Variants in CSPG4 observed in about 807,000 individuals in gnomAD.
CSPG4 encodes the protein chondroitin sulfate proteoglycan 4, also known as chondroitin sulfate proteoglycan 4 (melanoma-associated).
In CSPG4, 74 loss-of-function variants were observed where a neutral mutation model predicts 139.3. That is an observed-to-expected ratio of 0.53 (90% CI 0.44 to 0.64). CSPG4 has a LOEUF of 0.64. Among genes scored for constraint, CSPG4 ranks in the 30% least tolerant of loss-of-function variants. The probability of loss-of-function intolerance (pLI) is 0.00; values close to 1 mark genes in which losing one functional copy is unlikely to be tolerated. For missense variants in CSPG4, 2,565 were observed against 3,148.3 expected, an observed-to-expected ratio of 0.81 and a Z score of 4.43; for synonymous variants, 1,234 against 1,394.2, an observed-to-expected ratio of 0.89 and a Z score of 2.56.
rs778354681 is a variant in CSPG4, at chr15:75,687,860, C to T, written c.3205G>A (p.Val1069Met). 221 of 1,612,802 alleles carry T rather than the reference C, an allele frequency of 1.4e-4. No homozygotes were observed. Among genetic ancestry groups the T allele is most frequent in the Non-Finnish European group, 1.8e-4 (212 of 1,180,026 alleles). Residue 1069 changes from valine to methionine, a missense_variant, in exon 3 of 10, where the codon GTG becomes ATG. Physicochemically the swap from Val to Met is conservative, Grantham distance 21. Transcript: ENST00000308508. This position sits in a 1 kb window ranked among gnomAD's most constrained non-coding sequence, Gnocchi z 5.4. ...GGCCGCGTGGGCTCATCTACGGCCA[C>T]GATACTGCCAAAGAGGAGGTCCTTG... ...TRKDLLFGSI[V>M]AVDEPTRPIY... is the part of the protein sequence containing the mutation.
Position 75,677,122 on chromosome 15 carries a change from G to T in CSPG4, c.5397C>A (p.His1799Gln). Residue 1799 changes from histidine (H) to glutamine (Q), a missense_variant, in exon 10 of 10, where the codon CAC (histidine) becomes CAA (glutamine). Physicochemically the swap from His to Gln is conservative, Grantham distance 24. Around this residue, in one of 5 missense-constraint regions of CSPG4, gnomAD observed 2,316 missense variants for 2,818.2 expected, o/e 0.82. Transcript: ENST00000308508. ...CTGGCCCCTGGAGGTGGGCACGAAA[G>T]TGGAAGCCATCCTGCTGGGTGCCCC... ...GGGGTQQDGF[H>Q]FRAHLQGPAG... 7.1e-7 allele frequency: 1 copy of T among 1,413,174 alleles called. No homozygotes were observed. 87.5% of individuals were successfully genotyped at this position (1,413,174 alleles called of 1,614,324 possible). A position where few individuals can be genotyped will look rare whatever the true frequency, so the allele number is the denominator to read the frequency against.
At chr15:75,700,731 G>A (rs772478791) in intron 1 of CSPG4, among the ~76,000 whole-genome samples, 9 of 152,290 alleles carry the variant, frequency 5.9e-5, no homozygotes, top group South Asian at 2.1e-4. Context: ...CTGCTGGGGC[G>A]GCGTCTCGGG....
At chr15:75,684,652 CT>C in intron 5 of CSPG4, 83 bp downstream of exon 5, 1 of 1,314,266 alleles carries the variant, frequency 7.6e-7, no homozygotes, top group Non-Finnish European at 1.1e-6. Flanking sequence ...AGGATCAGAG[CT>C]GGGGGAGCTC....
At position 75,698,757 on chromosome 15, in the gene CSPG4, C is replaced by G. The variant is rs1226829911; in HGVS notation, c.89-5524G>C. Among the ~76,000 whole-genome samples, 1 of 152,136 alleles carries G rather than the reference C, an allele frequency of 6.6e-6. No homozygotes were observed. The highest frequency in any genetic ancestry group is 1.5e-5 in the Non-Finnish European group (1 of 67,992). ...TGCCTACTCAGGGGTGAGCCCCTCT[C>G]AAACCTCCTCCCAGCAGACTCCCCA... is the stretch of plus-strand genomic sequence containing the variant. On this transcript the variant is annotated intron_variant, in intron 1 of 9. Transcript: ENST00000308508. The surrounding 1 kb of genome is among the most constrained non-coding windows in gnomAD (Gnocchi z 4.3).
chr15:75,688,223 G>T lies in CSPG4; in HGVS notation c.2842C>A (p.Arg948Ser). 6.2e-7 allele frequency: 1 copy of T among 1,612,932 alleles called. No individual in the cohort carries two copies. The highest frequency in any genetic ancestry group is 8.5e-7 in the Non-Finnish European group (1 of 1,179,928). The change falls in exon 3 of 10, where the codon CGT becomes AGT. Residue 948 changes from arginine to serine, a missense_variant. Arg to Ser is a moderately radical substitution (Grantham distance 110). This residue lies in a region of CSPG4 where 2,316 missense variants were observed against 2,818.2 expected (regional missense o/e 0.82). Transcript: ENST00000308508. ...ERPRHGRLAW[R>S]GTQDKTTMVT... ...ATAGTGGTCTTGTCCTGTGTCCCAC[G>T]CCAAGCCAACCTCCCATGGCGGGGC...
chr15:75,680,845 C>G (rs1893964892), intron 8 of CSPG4: 1 of 153,188 alleles, frequency 6.5e-6, no homozygotes, highest in South Asian at 2.1e-4. Context: ...CAAGACAATA[C>G]CCAGTCCTGC....
chr15:75,712,825 G>A lies in CSPG4; in HGVS notation c.-70C>T. The A allele has an allele frequency of 1.5e-6, 2 of 1,351,732 alleles. No individual in the cohort carries two copies. Among genetic ancestry groups the A allele is most frequent in the Non-Finnish European group, 2.0e-6 (2 of 1,010,550 alleles). 83.7% of individuals were successfully genotyped at this position (1,351,732 alleles called of 1,614,324 possible). A position where few individuals can be genotyped will look rare whatever the true frequency, so the allele number is the denominator to read the frequency against. On this transcript the variant is annotated 5_prime_UTR_variant, in exon 1 of 10. Coordinates refer to ENST00000308508, the MANE Select transcript of CSPG4 (RefSeq NM_001897.5). Reference sequence around the variant, plus strand: ...CTGGGAGCTGGGAGCTGAGTGGAGCGAGCGCGGCTCTGCTCCTGGGCGCGG... The same window carrying A: ...CTGGGAGCTGGGAGCTGAGTGGAGCAAGCGCGGCTCTGCTCCTGGGCGCGG...
At position 75,679,227 on chromosome 15, in the gene CSPG4, C is replaced by T. The variant is rs747180599; in HGVS notation, c.4951-1341G>A. The T allele has an allele frequency of 4.8e-4, 78 of 162,872 alleles. No homozygotes were observed. The Middle Eastern group carries it at 0.012, about 25-fold the overall frequency. The allele number at this position is 162,872 out of a possible 1,614,324, so 10.1% of individuals were successfully genotyped here. A position where few individuals can be genotyped will look rare whatever the true frequency, so the allele number is the denominator to read the frequency against. Reference sequence around the variant, plus strand: ...CTGCCCCGGCTGCACTCCCGATCGGCCCCCACCTCCTACAGTCATCCTGCT... The same window carrying T: ...CTGCCCCGGCTGCACTCCCGATCGGTCCCCACCTCCTACAGTCATCCTGCT... On this transcript the variant is annotated intron_variant, in intron 8 of 9. Coordinates refer to ENST00000308508, the MANE Select transcript of CSPG4 (RefSeq NM_001897.5).
chr15:75,712,669 C>G lies in CSPG4; in HGVS notation c.87G>C (p.Ala29=). The part of the protein sequence containing the change: ...TLTMLARLAS[A]ASFFGENHLE... ...CGGGGTCTCAGGCCCCTCACTCACC[C>G]GCGGATGCAAGTCTGGCCAACATAG... Residue 29 remains alanine, a splice_region_variant and synonymous_variant, in exon 1 of 10, where the codon GCG becomes GCC. Coordinates refer to ENST00000308508, the MANE Select transcript of CSPG4 (RefSeq NM_001897.5). 6.4e-7 allele frequency: 1 copy of G among 1,559,394 alleles called. No individual in the cohort carries two copies. The highest frequency in any genetic ancestry group is 8.7e-7 in the Non-Finnish European group (1 of 1,152,052).
At chr15:75,704,593 G>A (rs1943697226) in intron 1 of CSPG4, among the ~76,000 whole-genome samples, 1 of 152,194 alleles carries the variant, frequency 6.6e-6, no homozygotes, top group South Asian at 2.1e-4. Context: ...GGTGAAGGCA[G>A]TGGGGGCCTG....
At chr15:75,678,900 CCAAG>C in intron 8 of CSPG4, 2 of 404,636 alleles carry the variant, frequency 4.9e-6, no homozygotes, top group South Asian at 3.5e-5. Context: ...ACTGGTGCCG[CCAAG>C]CAACCCTTCC....
At chr15:75,713,328 G>A (rs1479865983), upstream of CSPG4, among the ~76,000 whole-genome samples, 3 of 152,178 alleles carry the variant, frequency 2.0e-5, no homozygotes, top group Non-Finnish European at 4.4e-5. Flanking sequence ...GAGGTCCTGT[G>A]GGGCACTGCC....
chr15:75,707,306 T>A (rs1286177783), intron 1 of CSPG4, among the ~76,000 whole-genome samples: 1 of 152,164 alleles, frequency 6.6e-6, no homozygotes, highest in Non-Finnish European at 1.5e-5. Context: ...AAAATTTCTT[T>A]AAAAAAATCT....
Position 75,676,279 on chromosome 15 carries a change from C to T in CSPG4, c.6240G>A (p.Val2080=). ...GTCCCTCCAGGAGGCGGAAGCGCGG[C>T]ACACTGCCTGTGCGGTTGGCCAGCT... ...AGELANRTGS[V]PRFRLLEGPR... is the part of the protein sequence containing the mutation. The change falls in exon 10 of 10, where the codon GTG becomes GTA. Residue 2080 remains valine (V), a synonymous_variant. Transcript: ENST00000308508. The T allele has an allele frequency of 1.3e-6, 2 of 1,588,572 alleles. No homozygotes were observed. Among genetic ancestry groups the T allele is most frequent in the South Asian group, 2.2e-5 (2 of 89,510 alleles).
Position 75,688,201 on chromosome 15 carries a change from G to T in CSPG4, c.2864C>A (p.Thr955Asn). The T allele has an allele frequency of 6.2e-7, 1 of 1,612,904 alleles. No individual in the cohort carries two copies. Among genetic ancestry groups the T allele is most frequent in the East Asian group, 2.2e-5 (1 of 44,888 alleles). Residue 955 changes from threonine to asparagine, a missense_variant, in exon 3 of 10, where the codon ACT becomes AAT. Coordinates refer to ENST00000308508, the MANE Select transcript of CSPG4 (RefSeq NM_001897.5). ...LAWRGTQDKT[T>N]MVTSFTNEDL... ...TTCATTGGTGAAGGATGTCACCATA[G>T]TGGTCTTGTCCTGTGTCCCACGCCA...
rs1894231264 is a variant in CSPG4 at position 75,696,725 on chromosome 15, C to G, written c.89-3492G>C. ...TCCTCAGGCTTCCCACCCTTCCTCC[C>G]CATAAACAGGGCACTGCTGTCTGGG... On this transcript the variant is annotated intron_variant, in intron 1 of 9. Transcript: ENST00000308508. The surrounding 1 kb of genome is among the most constrained non-coding windows in gnomAD (Gnocchi z 4.2). Among the ~76,000 whole-genome samples, 1 of 152,176 alleles carries G rather than the reference C, an allele frequency of 6.6e-6. No individual in the cohort carries two copies. The highest frequency in any genetic ancestry group is 6.5e-5 in the Admixed American group (1 of 15,290).
In CSPG4 at chr15:75,700,447, T is replaced by G. The variant is rs113829239; in HGVS notation, c.89-7214A>C. Among the ~76,000 whole-genome samples, 1,407 of 152,184 alleles carry G rather than the reference T, an allele frequency of 9.2e-3. 28 individuals carry two copies. The highest frequency in any genetic ancestry group is 0.091 in the East Asian group (471 of 5,160). On this transcript the variant is annotated intron_variant, in intron 1 of 9. Transcript: ENST00000308508. ...TCTCCTTGGGCGGTTTGGCAGCCCCTCCTCTGTGGCTCTGGGGCTGGCCGA... is the reference window on the plus strand; with the variant it reads ...TCTCCTTGGGCGGTTTGGCAGCCCCGCCTCTGTGGCTCTGGGGCTGGCCGA...
rs779127129 is a variant in CSPG4 at position 75,690,390 on chromosome 15, G to A, written c.675C>T (p.Thr225=). The A allele has an allele frequency of 7.0e-5, 112 of 1,610,086 alleles. No homozygotes were observed. Among genetic ancestry groups the A allele is most frequent in the Non-Finnish European group, 8.6e-5 (101 of 1,178,984 alleles). Reference sequence around the variant, plus strand: ...TCTGTGTGGTGAGTGTAAACTCTAGGGTTCCTTCGTCCTGAGTGCCCCAGG... The same window carrying A: ...TCTGTGTGGTGAGTGTAAACTCTAGAGTTCCTTCGTCCTGAGTGCCCCAGG... ...FPAWGTQDEG[T]LEFTLTTQSR... The change falls in exon 3 of 10, where the codon ACC becomes ACT. Residue 225 remains threonine, a synonymous_variant. Transcript: ENST00000308508.
intron 1 of CSPG4, among the ~76,000 whole-genome samples, chr15:75,700,906 C>T (rs2141437157): frequency 6.6e-6 from 1 of 152,264 alleles, no homozygotes; most frequent in Middle Eastern, 3.4e-3. Context: ...CTCAGTTCCC[C>T]CATCTGAATA....
Sources: allele counts gnomAD v4.1 joint callset (sites outside exome capture counted in the v4.1 genomes callset), GRCh38; gene constraint gnomAD v4.1.1; regional missense constraint gnomAD v4.1.1; non-coding constraint Gnocchi (gnomAD v3.1); transcripts MANE v1.5; gene names NCBI Gene and HGNC (gene_info 2026-07-23, HGNC 2026-07-21).